Variants in TUSC3 observed in about 807,000 individuals in gnomAD.
TUSC3 encodes dolichyl-diphosphooligosaccharide--protein glycosyltransferase subunit TUSC3.
TUSC3 carries 45 observed loss-of-function variants against 44.8 expected under a neutral mutation model. That is an observed-to-expected ratio of 1.00 (90% confidence interval 0.79 to 1.29). The LOEUF (loss-of-function observed/expected upper bound fraction) is 1.29, where lower values mean the gene tolerates loss of function less well. TUSC3 is among the 50% of genes most tolerant of loss of function. The pLI, the probability that TUSC3 is intolerant of heterozygous loss-of-function variation, is 0.00. For synonymous variants in TUSC3, 212 were observed against 152.9 expected, an observed-to-expected ratio of 1.39 and a Z score of -2.85; for missense variants, 519 against 437.9, an observed-to-expected ratio of 1.19 and a Z score of -1.65.
chr8:15,561,674 C>T (rs907238095), intron 1 of TUSC3: 2 of 151,540 alleles, frequency 1.3e-5, no homozygotes, highest in Non-Finnish European at 2.9e-5. Flanking sequence ...GGTGTAGGAC[C>T]CTCCGAGCCA....
rs1216290704 is a variant in TUSC3 at position 15,623,139 on chromosome 8, C to A, written c.198C>A (p.Phe66Leu). ...LMEWSSRRSIFRMNGDKFRKF... is the reference protein window; with the variant it reads ...LMEWSSRRSILRMNGDKFRKF... ...AATGGAGTTCCAGACGCTCAATCTT[C>A]CGAATGAATGGTGATAAATTCCGAA... The change falls in exon 2 of 11, where the codon TTC becomes TTA. Residue 66 changes from phenylalanine (F) to leucine (L), a missense_variant. By Grantham distance (22) the Phe-to-Leu change is conservative. Transcript: ENST00000503731. The A allele has an allele frequency of 1.9e-6, 3 of 1,613,692 alleles. No homozygotes were observed. The highest frequency in any genetic ancestry group is 4.5e-5 in the East Asian group (2 of 44,864).
At chr8:15,841,474 T>C in the TUSC3 span, among the ~76,000 whole-genome samples, 1 of 152,160 alleles carries the variant, frequency 6.6e-6, no homozygotes, top group African/African-American at 2.4e-5. Context: ...TCTGTTATAC[T>C]AATTATAATG....
At chr8:15,424,944 T>G (rs186368883) in intron 1 of TUSC3, among the ~76,000 whole-genome samples, 243 of 152,020 alleles carry the variant, frequency 1.6e-3, no homozygotes, top group African/African-American at 5.6e-3. Flanking sequence ...TGGGCAGACA[T>G]GTACAAAAGA....
At chr8:15,517,476 T>C (rs75159871) in intron 2 of TUSC3, among the ~76,000 whole-genome samples, 4,773 of 128,132 alleles carry the variant, frequency 0.037, 245 homozygotes, top group African/African-American at 0.14. Flanking sequence ...AAATAATGAC[T>C]GAAAATCTAA....
intron 1 of TUSC3, among the ~76,000 whole-genome samples, chr8:15,468,202 G>GT (rs997269562): frequency 7.2e-5 from 11 of 152,146 alleles, no homozygotes; most frequent in Non-Finnish European, 1.5e-4. Context: ...GTTGGTTTTG[G>GT]TTTTTTCCTG....
intron 1 of TUSC3, among the ~76,000 whole-genome samples, chr8:15,572,310 C>G (rs1802908207): frequency 6.6e-6 from 1 of 152,120 alleles, no homozygotes. Flanking sequence ...TTCTTTAAAC[C>G]TCATGAACCA....
At chr8:15,634,307 A>G (rs1181978845) in intron 2 of TUSC3, among the ~76,000 whole-genome samples, 1 of 151,966 alleles carries the variant, frequency 6.6e-6, no homozygotes, top group Non-Finnish European at 1.5e-5. Flanking sequence ...GGTTCCTCCA[A>G]CTCAGTTTGA....
chr8:15,471,046 T>C (rs1210446116), intron 1 of TUSC3, among the ~76,000 whole-genome samples: 2 of 152,190 alleles, frequency 1.3e-5, no homozygotes, highest in Admixed American at 6.5e-5. Context: ...CAATAAAGGA[T>C]GCAGTAAAAA....
Position 15,763,154 on chromosome 8 carries a change from A to C in TUSC3, c.*47-1049A>C, listed in dbSNP as rs537269247. 2.0e-3 allele frequency among the ~76,000 whole-genome samples: 300 copies of C among 151,836 alleles called. 2 individuals are homozygous for C. The highest frequency in any genetic ancestry group is 2.9e-3 in the Non-Finnish European group (199 of 67,910). On this transcript the variant is annotated intron_variant, in intron 10 of 10. Coordinates refer to ENST00000503731, the MANE Select transcript of TUSC3 (RefSeq NM_006765.4). ...AATTTAAATATATATTTCATGTTTT[A>C]TACTAAAATGTTACATTTTAAAATA...
At chr8:15,582,647 G>GA (rs1277260315) in intron 1 of TUSC3, among the ~76,000 whole-genome samples, 4 of 152,150 alleles carry the variant, frequency 2.6e-5, no homozygotes, top group African/African-American at 7.2e-5. Context: ...AGGCTAGGGG[G>GA]ATAAAGCACT....
intron 1 of TUSC3, among the ~76,000 whole-genome samples, chr8:15,455,406 TATACAC>T (rs1800241210): frequency 6.6e-6 from 1 of 152,178 alleles, no homozygotes. Context: ...TTTATGTATA[TATACAC>T]ATACACACCT....
chr8:15,655,314 G>C (rs1807104533), intron 3 of TUSC3, among the ~76,000 whole-genome samples: 1 of 152,170 alleles, frequency 6.6e-6, no homozygotes, highest in South Asian at 2.1e-4. Flanking sequence ...GTGTTTAACT[G>C]TAATATGACC....
chr8:15,848,799 C>A, the TUSC3 span, among the ~76,000 whole-genome samples: 1 of 152,188 alleles, frequency 6.6e-6, no homozygotes, highest in South Asian at 2.1e-4. Flanking sequence ...AAAATAACTT[C>A]TTTGGGACCA....
chr8:15,608,910 C>G (rs1454304198), intron 1 of TUSC3, among the ~76,000 whole-genome samples: 1 of 152,074 alleles, frequency 6.6e-6, no homozygotes, highest in African/African-American at 2.4e-5. Context: ...CAAAAGAAAT[C>G]TTTGATTCTA....
At chr8:15,492,838 C>CT (rs1800828035) in intron 2 of TUSC3, among the ~76,000 whole-genome samples, 2 of 151,308 alleles carry the variant, frequency 1.3e-5, no homozygotes, top group South Asian at 4.2e-4. Flanking sequence ...GAGTTTTTAT[C>CT]TTTGCATATA....
At chr8:15,459,152 G>C (rs765422060) in intron 1 of TUSC3, among the ~76,000 whole-genome samples, 1 of 152,104 alleles carries the variant, frequency 6.6e-6, no homozygotes, top group African/African-American at 2.4e-5. Flanking sequence ...TATGACAAAA[G>C]TGACATGACA....
chr8:15,558,812 C>G lies in TUSC3; in HGVS notation c.138+18244C>G, dbSNP rs57801058. The stretch of plus-strand genomic sequence containing the variant: ...TTTGCATAGAGGTGTTTGTAGTATT[C>G]TCTGATGGTAGTTTGTATTTCTGTG... On this transcript the variant is annotated intron_variant, in intron 1 of 10. Transcript: ENST00000503731. Among the ~76,000 whole-genome samples the G allele has an allele frequency of 9.6e-3, 1,411 of 147,040 alleles. 25 individuals are homozygous for G. Among genetic ancestry groups the G allele is most frequent in the African/African-American group, 0.032 (1,298 of 40,328 alleles).
intron 8 of TUSC3, among the ~76,000 whole-genome samples, chr8:15,747,917 T>C (rs999774638): frequency 8.5e-5 from 13 of 152,106 alleles, no homozygotes; most frequent in African/African-American, 3.1e-4. Flanking sequence ...CCTAAAATTA[T>C]TGCATAGCAT....
At chr8:15,591,828 T>C (rs551588138) in intron 1 of TUSC3, among the ~76,000 whole-genome samples, 2 of 152,300 alleles carry the variant, frequency 1.3e-5, no homozygotes, top group South Asian at 4.1e-4. Flanking sequence ...GCCTTCTTAG[T>C]AATGTTAAGA....
Sources: gnomAD v4.1 joint callset for allele counts (sites outside exome capture counted in the v4.1 genomes callset) on GRCh38, gnomAD v4.1.1 for gene constraint, MANE v1.5 for transcripts, NCBI Gene and HGNC (gene_info 2026-07-23, HGNC 2026-07-21) for gene names.